MINK1: variants seen among roughly 807,000 people sequenced by gnomAD.
The protein encoded by MINK1 is misshapen-like kinase 1.
A neutral mutation model predicts 178.4 loss-of-function variants in MINK1; 46 were observed. The ratio of observed to expected loss-of-function variants is 0.26; its 90% CI spans 0.20 to 0.33. MINK1 has a LOEUF of 0.33. MINK1 is among the 10% of genes least tolerant of loss of function. The probability of loss-of-function intolerance (pLI) is 1.00; values close to 1 mark genes in which losing one functional copy is unlikely to be tolerated. For synonymous variants in MINK1, 797 were observed against 709.7 expected, an observed-to-expected ratio of 1.12 and a Z score of -1.96; for missense variants, 1,366 against 1,814.9, an observed-to-expected ratio of 0.75 and a Z score of 4.49.
chr17:4,887,859 C>T lies in MINK1; in HGVS notation c.1230+69C>T. On this transcript the variant is annotated intron_variant, in intron 12 of 31. Transcript: ENST00000355280. The surrounding 1 kb of genome is among the most constrained non-coding windows in gnomAD (Gnocchi z 7.6). Reference sequence around the variant, plus strand: ...TGACCTGCCCCGGGTCCATTAGGGCCTTGGAGAACAGGTTTTAAAATGCCT... The same window carrying T: ...TGACCTGCCCCGGGTCCATTAGGGCTTTGGAGAACAGGTTTTAAAATGCCT... The T allele has an allele frequency of 7.8e-7, 1 of 1,277,092 alleles. No homozygotes were observed. The highest frequency in any genetic ancestry group is 1.0e-6 in the Non-Finnish European group (1 of 967,920). 79.1% of individuals were successfully genotyped at this position (1,277,092 alleles called of 1,614,324 possible).
At chr17:4,846,642 G>A (rs1012524322) in intron 1 of MINK1, among the ~76,000 whole-genome samples, 1 of 152,200 alleles carries the variant, frequency 6.6e-6, no homozygotes, top group African/African-American at 2.4e-5. Context: ...TGAAGTGTTT[G>A]TGTTTAAAGC....
chr17:4,870,679 G>A (rs1291979662), intron 1 of MINK1, among the ~76,000 whole-genome samples: 1 of 151,876 alleles, frequency 6.6e-6, no homozygotes, highest in East Asian at 1.9e-4. Flanking sequence ...ATAAAAATTA[G>A]CCAGGTGTGG....
chr17:4,849,429 A>G (rs1330408766), intron 1 of MINK1, among the ~76,000 whole-genome samples: 1 of 152,214 alleles, frequency 6.6e-6, no homozygotes, highest in Non-Finnish European at 1.5e-5. Context: ...TGAAAGGCAC[A>G]GATTGAAGGC....
intron 1 of MINK1, among the ~76,000 whole-genome samples, chr17:4,858,926 C>T (rs969256196): frequency 6.6e-6 from 1 of 152,180 alleles, no homozygotes; most frequent in Non-Finnish European, 1.5e-5. Context: ...CCCCTAGCCT[C>T]ACAGCTAGCT....
intron 12 of MINK1, among the ~76,000 whole-genome samples, chr17:4,888,686 C>T (rs1968460148): frequency 7.7e-6 from 1 of 130,548 alleles, no homozygotes; most frequent in African/African-American, 3.0e-5. Flanking sequence ...TAACAAAGTC[C>T]TATCTTTTTT....
chr17:4,893,607 C>G lies in MINK1; in HGVS notation c.2564+10C>G. 6.6e-7 allele frequency: 1 copy of G among 1,520,990 alleles called. No homozygotes were observed. The highest frequency in any genetic ancestry group is 8.8e-7 in the Non-Finnish European group (1 of 1,132,108). 94.2% of individuals were successfully genotyped at this position (1,520,990 alleles called of 1,614,324 possible). A position where few individuals can be genotyped will look rare whatever the true frequency, so the allele number is the denominator to read the frequency against. On this transcript the variant is annotated intron_variant, in intron 21 of 31. Transcript: ENST00000355280. ...ATACCCCTGGGGGCCGGTACGGCAT[C>G]GGGAGTGGGGCCCTCCCACTCCAAG...
chr17:4,834,619 A>G (rs1323085091), intron 1 of MINK1, among the ~76,000 whole-genome samples: 1 of 152,118 alleles, frequency 6.6e-6, no homozygotes, highest in African/African-American at 2.4e-5. Context: ...TTTCTGTAGC[A>G]TTTATGTTTT....
At chr17:4,857,576 C>T (rs1450915374) in intron 1 of MINK1, among the ~76,000 whole-genome samples, 1 of 146,012 alleles carries the variant, frequency 6.8e-6, no homozygotes, top group African/African-American at 2.5e-5. Flanking sequence ...AAGCCATTCT[C>T]ATGCCTCAGC....
At position 4,885,469 on chromosome 17, in the gene MINK1, CTG is replaced by C; in HGVS notation, c.509-10_509-9del. The C allele has an allele frequency of 6.2e-7, 1 of 1,613,418 alleles. No homozygotes were observed. The highest frequency in any genetic ancestry group is 8.5e-7 in the Non-Finnish European group (1 of 1,179,544). ...TGACTCCCCACACTGACCCCTCCCT[CTG>C]TGTCTTCACAGTGGATTTTGGGGTG... On this transcript the variant is annotated splice_polypyrimidine_tract_variant and intron_variant, in intron 6 of 31. Transcript: ENST00000355280. The surrounding 1 kb of genome is among the most constrained non-coding windows in gnomAD (Gnocchi z 5.0).
At chr17:4,874,422 A>G (rs903792128) in intron 1 of MINK1, among the ~76,000 whole-genome samples, 9 of 152,160 alleles carry the variant, frequency 5.9e-5, no homozygotes, top group Non-Finnish European at 1.2e-4. Context: ...AGCATTGGGG[A>G]GCCCCACTAC....
At chr17:4,838,994 A>G (rs1465667214) in intron 1 of MINK1, among the ~76,000 whole-genome samples, 27 of 150,006 alleles carry the variant, frequency 1.8e-4, no homozygotes, top group Middle Eastern at 3.5e-3. Context: ...CCCAGGCTGG[A>G]GTGCAGTGGC....
intron 1 of MINK1, among the ~76,000 whole-genome samples, chr17:4,871,485 T>A (rs767561541): frequency 2.6e-5 from 4 of 152,276 alleles, no homozygotes; most frequent in African/African-American, 4.8e-5. Context: ...GTGCTGGGGT[T>A]ATAGACATGA....
chr17:4,886,066 T>C lies in MINK1; in HGVS notation c.695-54T>C. 1 of 1,610,004 alleles carries C rather than the reference T, an allele frequency of 6.2e-7. No homozygotes were observed. On this transcript the variant is annotated intron_variant, in intron 8 of 31. Coordinates refer to ENST00000355280, the MANE Select transcript of MINK1 (RefSeq NM_153827.5). The surrounding 1 kb of genome is among the most constrained non-coding windows in gnomAD (Gnocchi z 6.1). ...GTCCTGGGACCCTGCCGAGGAAGGG[T>C]CCTGTAGCTCCCAGTGCAGTGAAAG...
rs1264624274 is a variant in MINK1 at position 4,894,716 on chromosome 17, C to T, written c.2917+83C>T. On this transcript the variant is annotated intron_variant, in intron 24 of 31. Coordinates refer to ENST00000355280, the MANE Select transcript of MINK1 (RefSeq NM_153827.5). The surrounding 1 kb of genome is among the most constrained non-coding windows in gnomAD (Gnocchi z 4.1). ...GAGCACAGTGGTCTTGAGACGCAGCCTCACAAAGCATAGCCACAGGACCTC... is the reference window on the plus strand; with the variant it reads ...GAGCACAGTGGTCTTGAGACGCAGCTTCACAAAGCATAGCCACAGGACCTC... 9.2e-7 allele frequency: 1 copy of T among 1,086,394 alleles called. No individual in the cohort carries two copies. Among genetic ancestry groups the T allele is most frequent in the African/African-American group, 1.6e-5 (1 of 62,918 alleles). The allele number at this position is 1,086,394 out of a possible 1,614,324, so 67.3% of individuals were successfully genotyped here. A position where few individuals can be genotyped will look rare whatever the true frequency, so the allele number is the denominator to read the frequency against.
At chr17:4,846,239 G>A (rs78432894) in intron 1 of MINK1, among the ~76,000 whole-genome samples, 1,893 of 152,294 alleles carry the variant, frequency 0.012, 34 homozygotes, top group African/African-American at 0.042. Flanking sequence ...AGACCTCTGC[G>A]TTTCCTCACA....
At chr17:4,879,445 T>C (rs1273657904) in intron 2 of MINK1, among the ~76,000 whole-genome samples, 1 of 152,238 alleles carries the variant, frequency 6.6e-6, no homozygotes, top group Non-Finnish European at 1.5e-5. Context: ...CTCCTTCTCT[T>C]GCAAACTTTG....
intron 1 of MINK1, among the ~76,000 whole-genome samples, chr17:4,843,986 T>G (rs1341436860): frequency 1.3e-5 from 2 of 152,042 alleles, no homozygotes; most frequent in African/African-American, 2.4e-5. Flanking sequence ...TGGTATTGTT[T>G]TCTGCCTGTT....
chr17:4,891,190 A>ACGCACG lies in MINK1; in HGVS notation c.1740+67_1740+68insGCACGC, dbSNP rs1461789616. On this transcript the variant is annotated intron_variant, in intron 15 of 31. Transcript: ENST00000355280. ...AGCTTTGTTCAGAGCACAGGTACAC[A>ACGCACG]CACACGCGCGCACACACACACACAC... 6.4e-5 allele frequency: 69 copies of ACGCACG among 1,074,378 alleles called. No individual in the cohort carries two copies. In the South Asian group the frequency reaches 6.6e-4, roughly 10 times the overall value. 66.6% of individuals were successfully genotyped at this position (1,074,378 alleles called of 1,614,324 possible).
intron 1 of MINK1, among the ~76,000 whole-genome samples, chr17:4,863,853 A>G (rs1329757453): frequency 6.6e-6 from 1 of 151,952 alleles, no homozygotes; most frequent in Non-Finnish European, 1.5e-5. Flanking sequence ...GCGGTGGCGC[A>G]ATCTCGGCTC....
Sources: gnomAD v4.1 joint callset for allele counts (sites outside exome capture counted in the v4.1 genomes callset) on GRCh38, gnomAD v4.1.1 for gene constraint, Gnocchi (gnomAD v3.1) non-coding constraint, MANE v1.5 for transcripts, NCBI Gene and HGNC (gene_info 2026-07-23, HGNC 2026-07-21) for gene names.